HDAC11: variants seen among roughly 807,000 people sequenced by gnomAD.
The protein encoded by HDAC11 is histone deacetylase 11.
A neutral mutation model predicts 41.1 loss-of-function variants in HDAC11; 23 were observed. The observed-to-expected ratio is 0.56, with a 90% confidence interval of 0.40 to 0.79. The LOEUF (loss-of-function observed/expected upper bound fraction) is 0.79. Ranked by LOEUF, HDAC11 falls within the 30% of genes least tolerant of loss-of-function variation. The probability of loss-of-function intolerance (pLI) is 0.00; values close to 1 mark genes in which losing one functional copy is unlikely to be tolerated. For synonymous variants in HDAC11, 187 were observed against 186.6 expected, an observed-to-expected ratio of 1.00 and a Z score of -0.02; for missense variants, 402 against 477.3, an observed-to-expected ratio of 0.84 and a Z score of 1.47.
intron 2 of HDAC11, among the ~76,000 whole-genome samples, chr3:13,482,532 C>T (rs926767777): frequency 3.3e-5 from 5 of 152,192 alleles, no homozygotes; most frequent in African/African-American, 7.2e-5. Context: ...CCTGTAATCC[C>T]AGCACTCTGG....
chr3:13,503,492 A>G lies in HDAC11; in HGVS notation c.649+512A>G, dbSNP rs991734414. ...GACAGGAGAATTGCTTGAACCTGGG[A>G]GGCGGAGGTTTCGGTAAGCCGAGAT... On this transcript the variant is annotated intron_variant, in intron 8 of 9. Transcript: ENST00000295757. 2.0e-5 allele frequency among the ~76,000 whole-genome samples: 3 copies of G among 152,260 alleles called. No homozygotes were observed. The East Asian group carries it at 5.8e-4, about 29-fold the overall frequency.
intron 3 of HDAC11, among the ~76,000 whole-genome samples, chr3:13,488,863 G>C (rs570851501): frequency 1.3e-5 from 2 of 152,018 alleles, no homozygotes; most frequent in African/African-American, 4.8e-5. Flanking sequence ...ATTTCCACCA[G>C]TAATGTACCA....
Position 13,502,123 on chromosome 3 carries a change from C to A in HDAC11, c.552+190C>A. On this transcript the variant is annotated intron_variant, in intron 7 of 9. Transcript: ENST00000295757. The surrounding 1 kb of genome is among the most constrained non-coding windows in gnomAD (Gnocchi z 4.1). The stretch of plus-strand genomic sequence containing the variant: ...AGGACAGCGGGTCCTCCTCATTGCT[C>A]CCGAGGGTCCTCCCTCCCTCCTCCT... 1.7e-6 allele frequency: 1 copy of A among 579,868 alleles called. No homozygotes were observed. The highest frequency in any genetic ancestry group is 2.2e-5 in the South Asian group (1 of 44,664). The allele number at this position is 579,868 out of a possible 1,614,324, so 35.9% of individuals were successfully genotyped here. A position where few individuals can be genotyped will look rare whatever the true frequency, so the allele number is the denominator to read the frequency against.
intron 3 of HDAC11, among the ~76,000 whole-genome samples, chr3:13,488,679 G>A (rs1178157343): frequency 1.3e-5 from 2 of 152,098 alleles, no homozygotes; most frequent in Admixed American, 1.3e-4. Context: ...TAGTTTATAG[G>A]CCTTTTGGCT....
At position 13,486,326 on chromosome 3, in the gene HDAC11, C is replaced by G. The variant is rs147514249; in HGVS notation, c.252+2762C>G. On this transcript the variant is annotated intron_variant, in intron 3 of 9. Coordinates refer to ENST00000295757, the MANE Select transcript of HDAC11 (RefSeq NM_024827.4). ...AGAAGTAGTCAGTCATTCAACACAT[C>G]TGTATTGAATGCCAACTGTACAGAG... Among the ~76,000 whole-genome samples the G allele has an allele frequency of 5.0e-3, 731 of 147,198 alleles. 7 individuals are homozygous for G. Among genetic ancestry groups the G allele is most frequent in the African/African-American group, 0.015 (613 of 39,712 alleles).
At chr3:13,493,869 C>T (rs1456216784) in intron 3 of HDAC11, among the ~76,000 whole-genome samples, 4 of 152,240 alleles carry the variant, frequency 2.6e-5, no homozygotes, top group Admixed American at 6.5e-5. Context: ...GTGGAGGATA[C>T]CAAGGAACCT....
At chr3:13,487,065 G>A (rs922152201) in intron 3 of HDAC11, among the ~76,000 whole-genome samples, 19 of 152,164 alleles carry the variant, frequency 1.2e-4, no homozygotes, top group African/African-American at 4.6e-4. Context: ...GCAGGCCGTG[G>A]GAGGAGTGTA....
chr3:13,494,612 C>T (rs968559986), intron 3 of HDAC11, among the ~76,000 whole-genome samples: 2 of 152,214 alleles, frequency 1.3e-5, no homozygotes, highest in Non-Finnish European at 2.9e-5. Flanking sequence ...GCCAGAGGGC[C>T]TGGGCTTGTG....
chr3:13,494,296 C>T (rs1020119908), intron 3 of HDAC11, among the ~76,000 whole-genome samples: 3 of 152,186 alleles, frequency 2.0e-5, no homozygotes, highest in African/African-American at 7.2e-5. Context: ...TTTGTTTGCT[C>T]ATTCGTTCAT....
chr3:13,496,036 G>GT (rs1226239894), intron 3 of HDAC11, among the ~76,000 whole-genome samples: 1 of 152,226 alleles, frequency 6.6e-6, no homozygotes, highest in Non-Finnish European at 1.5e-5. Flanking sequence ...GCAGGGATGC[G>GT]TTTTCAGCCA....
chr3:13,492,879 G>A (rs117908300), intron 3 of HDAC11, among the ~76,000 whole-genome samples: 1 of 152,250 alleles, frequency 6.6e-6, no homozygotes, highest in East Asian at 1.9e-4. Flanking sequence ...AGGAGGACAG[G>A]CCTCTCTGAC....
chr3:13,494,791 G>A (rs1026320905), intron 3 of HDAC11, among the ~76,000 whole-genome samples: 4 of 152,176 alleles, frequency 2.6e-5, no homozygotes, highest in Admixed American at 2.0e-4. Context: ...CAGGCTGGGT[G>A]CCTGGCACCC....
Position 13,504,087 on chromosome 3 carries a change from C to T in HDAC11, c.650-7C>T. On this transcript the variant is annotated splice_polypyrimidine_tract_variant and splice_region_variant and intron_variant, in intron 8 of 9. Transcript: ENST00000295757. ...ATAAATTGAGGCCATCCATGTCTCT[C>T]TCCCAGAGGCCATCAGGCGGAAGGT... The T allele has an allele frequency of 6.2e-7, 1 of 1,613,614 alleles. No individual in the cohort carries two copies. The highest frequency in any genetic ancestry group is 8.5e-7 in the Non-Finnish European group (1 of 1,179,812).
intron 4 of HDAC11, among the ~76,000 whole-genome samples, chr3:13,498,301 T>C (rs1231550070): frequency 6.6e-6 from 1 of 152,250 alleles, no homozygotes; most frequent in Non-Finnish European, 1.5e-5. Context: ...GCTTATGCAC[T>C]GTACATCTCA....
At chr3:13,490,744 CTTTTTTT>C (rs59531656) in intron 3 of HDAC11, among the ~76,000 whole-genome samples, 2 of 41,404 alleles carry the variant, frequency 4.8e-5, no homozygotes, top group African/African-American at 1.0e-4. Flanking sequence ...GCATTTTTTT[CTTTTTTT>C]TTTTTTTTTT....
rs1014370786 is a variant in HDAC11 at position 13,504,852 on chromosome 3, C to A, written c.*169C>A. 1.5e-6 allele frequency: 1 copy of A among 661,600 alleles called. No individual in the cohort carries two copies. Among genetic ancestry groups the A allele is most frequent in the African/African-American group, 1.8e-5 (1 of 55,414 alleles). The allele number at this position is 661,600 out of a possible 1,614,324, so 41.0% of individuals were successfully genotyped here. A position where few individuals can be genotyped will look rare whatever the true frequency, so the allele number is the denominator to read the frequency against. On this transcript the variant is annotated 3_prime_UTR_variant, in exon 10 of 10. Coordinates refer to ENST00000295757, the MANE Select transcript of HDAC11 (RefSeq NM_024827.4). ...TCCTCTACTTTTCCCTGCTGGAAGC[C>A]AGAAGGGCTTGAGGCCTCTATGGGT... is the stretch of plus-strand genomic sequence containing the variant.
At position 13,492,661 on chromosome 3, in the gene HDAC11, C is replaced by T. The variant is rs1182905394; in HGVS notation, c.253-4075C>T. On this transcript the variant is annotated intron_variant, in intron 3 of 9. Coordinates refer to ENST00000295757, the MANE Select transcript of HDAC11 (RefSeq NM_024827.4). ...TTGGGTTGAAGAGATTCTCCTCCCT[C>T]GCCTCCTGAGTAGCTGGGATTACAG... is the stretch of plus-strand genomic sequence containing the variant. Among the ~76,000 whole-genome samples, 10 of 152,148 alleles carry T rather than the reference C, an allele frequency of 6.6e-5. No individual in the cohort carries two copies. In the East Asian group the frequency reaches 9.6e-4, roughly 15 times the overall value.
At chr3:13,485,669 T>A (rs1478525974) in intron 3 of HDAC11, among the ~76,000 whole-genome samples, 2 of 152,150 alleles carry the variant, frequency 1.3e-5, no homozygotes, top group Non-Finnish European at 2.9e-5. Flanking sequence ...GCACTTGTAG[T>A]CCTAGCTACT....
At chr3:13,496,638 T>C (rs961897827) in intron 3 of HDAC11, 98 bp from the exon 4 acceptor site, 16 of 738,414 alleles carry the variant, frequency 2.2e-5, no homozygotes, top group Non-Finnish European at 3.5e-5. Flanking sequence ...CAAGGGCACC[T>C]GGAAACTGTC....
Sources: gnomAD v4.1 joint callset for allele counts (sites outside exome capture counted in the v4.1 genomes callset) on GRCh38, gnomAD v4.1.1 for gene constraint, Gnocchi (gnomAD v3.1) non-coding constraint, MANE v1.5 for transcripts, NCBI Gene and HGNC (gene_info 2026-07-23, HGNC 2026-07-21) for gene names.